Variants in SLC30A6 observed in about 807,000 individuals in gnomAD.
The protein encoded by SLC30A6 is solute carrier family 30 member 6, also known as zinc transporter 6.
A neutral mutation model predicts 63.0 loss-of-function variants in SLC30A6; 55 were observed. That is an observed-to-expected ratio of 0.87 (90% CI 0.70 to 1.09). The LOEUF (loss-of-function observed/expected upper bound fraction) is 1.09, where lower values mean the gene tolerates loss of function less well. Ranked by LOEUF, SLC30A6 falls within the 50% of genes least tolerant of loss-of-function variation. The pLI, the probability that SLC30A6 is intolerant of heterozygous loss-of-function variation, is 0.00. For missense variants in SLC30A6, 587 were observed against 549.2 expected (o/e 1.07, Z -0.69); for synonymous variants, 224 against 186.1 (o/e 1.20, Z -1.66).
chr2:32,193,047 G>A, intron 7 of SLC30A6, 94 bp downstream of exon 7: 1 of 792,060 alleles, frequency 1.3e-6, no homozygotes, highest in Non-Finnish European at 2.0e-6. Context: ...ATTTCAGACT[G>A]TGGCAACATA....
chr2:32,220,365 T>C lies in SLC30A6; in HGVS notation c.1038T>C (p.Val346=). ...WIRPALLSGP[V]AANVLNFSDH... is the part of the protein sequence containing the mutation. The stretch of plus-strand genomic sequence containing the variant: ...GGCCTGCCTTATTGTCTGGGCCTGT[T>C]GCAGCCAATGTCCTAAACTTTTCAG... Residue 346 remains valine (V), a synonymous_variant, in exon 14 of 14, where the codon GTT becomes GTC. Coordinates refer to ENST00000282587, the MANE Select transcript of SLC30A6 (RefSeq NM_017964.5). The C allele has an allele frequency of 6.2e-7, 1 of 1,614,212 alleles. No individual in the cohort carries two copies. Among genetic ancestry groups the C allele is most frequent in the Non-Finnish European group, 8.5e-7 (1 of 1,180,028 alleles).
chr2:32,192,872 CTTTATAA>C (rs1683456368), intron 6 of SLC30A6, 39 bp from the exon 7 acceptor site: 3 of 1,248,030 alleles, frequency 2.4e-6, no homozygotes, highest in East Asian at 5.5e-5. Flanking sequence ...AGCTTTTTAA[CTTTATAA>C]TTTATAGGAC....
chr2:32,190,194 C>T (rs940154705), intron 5 of SLC30A6, among the ~76,000 whole-genome samples: 1 of 152,088 alleles, frequency 6.6e-6, no homozygotes, highest in African/African-American at 2.4e-5. Context: ...CGCGGTGGCT[C>T]ACGCATGTAA....
chr2:32,199,896 C>T (rs1265941919), intron 10 of SLC30A6, among the ~76,000 whole-genome samples: 2 of 152,076 alleles, frequency 1.3e-5, no homozygotes. Context: ...GGCTGGGTCG[C>T]CTGAGGTCAG....
At chr2:32,200,394 G>A (rs983305071) in intron 10 of SLC30A6, among the ~76,000 whole-genome samples, 1 of 151,808 alleles carries the variant, frequency 6.6e-6, no homozygotes, top group African/African-American at 2.4e-5. Context: ...TGACAATGGC[G>A]GTTTTGTGGA....
At chr2:32,191,928 A>G (rs1364979035) in intron 5 of SLC30A6, among the ~76,000 whole-genome samples, 3 of 152,126 alleles carry the variant, frequency 2.0e-5, no homozygotes, top group Non-Finnish European at 2.9e-5. Context: ...AGATGAGGTA[A>G]TATGTTAAGC....
chr2:32,192,776 C>T (rs116366987), intron 6 of SLC30A6, 142 bp from the exon 7 acceptor site: 1,001 of 523,174 alleles, frequency 1.9e-3, no homozygotes, highest in Non-Finnish European at 2.9e-3. Context: ...TTATGAGTCT[C>T]CTTGCCTCAT....
chr2:32,200,814 A>G (rs1051380762), intron 10 of SLC30A6, among the ~76,000 whole-genome samples: 2 of 147,834 alleles, frequency 1.4e-5, no homozygotes, highest in African/African-American at 5.0e-5. Flanking sequence ...TGCGAGAAAC[A>G]CCCAAGAATG....
chr2:32,218,193 G>A (rs1045272457), intron 13 of SLC30A6, among the ~76,000 whole-genome samples: 11 of 152,134 alleles, frequency 7.2e-5, no homozygotes, highest in Admixed American at 5.9e-4. Flanking sequence ...GGCTGAGGCA[G>A]GAGGATCGCT....
At position 32,171,356 on chromosome 2, in the gene SLC30A6, G is replaced by A. The variant is rs1439799307; in HGVS notation, c.73G>A (p.Val25Ile). Residue 25 changes from valine (V) to isoleucine (I), a missense_variant, in exon 2 of 14, where the codon GTA becomes ATA. Transcript: ENST00000282587. ...CAAGTTGTTACGGGAATTTAGACTTGTAGCAGCTGACCGAAGGGTAAGTTA... is the reference window on the plus strand; with the variant it reads ...CAAGTTGTTACGGGAATTTAGACTTATAGCAGCTGACCGAAGGGTAAGTTA... ...FGKLLREFRL[V>I]AADRRSWKIL... The A allele has an allele frequency of 1.9e-6, 3 of 1,613,538 alleles. No individual in the cohort carries two copies. The highest frequency in any genetic ancestry group is 2.2e-5 in the East Asian group (1 of 44,816).
intron 5 of SLC30A6, among the ~76,000 whole-genome samples, chr2:32,189,616 T>C (rs915095452): frequency 1.5e-5 from 2 of 131,108 alleles, no homozygotes; most frequent in Non-Finnish European, 3.3e-5. Context: ...TTTTTTTTTT[T>C]TTTTTTTTTT....
chr2:32,203,208 G>T lies in SLC30A6; in HGVS notation c.666-1382G>T, dbSNP rs1000594157. Reference sequence around the variant, plus strand: ...TCATGGTTCTCCTCCTCAGGATGTTGAGTCTATATCCATCGTTCTGGACGC... The same window carrying T: ...TCATGGTTCTCCTCCTCAGGATGTTTAGTCTATATCCATCGTTCTGGACGC... On this transcript the variant is annotated intron_variant, in intron 10 of 13. Transcript: ENST00000282587. 31 of 1,113,718 alleles carry T rather than the reference G, an allele frequency of 2.8e-5. No individual in the cohort carries two copies. The Admixed American group carries it at 4.7e-4, about 17-fold the overall frequency. The allele number at this position is 1,113,718 out of a possible 1,614,324, so 69.0% of individuals were successfully genotyped here.
At chr2:32,203,306 G>C (rs974166533) in intron 10 of SLC30A6, 85 of 924,730 alleles carry the variant, frequency 9.2e-5, no homozygotes, top group Middle Eastern at 3.2e-4. Context: ...ACTAAGATAT[G>C]TGGAACAAAA....
At chr2:32,210,527 AAAAAAAAAAAACAACAG>A (rs2148896583) in intron 13 of SLC30A6, among the ~76,000 whole-genome samples, 1 of 151,486 alleles carries the variant, frequency 6.6e-6, no homozygotes, top group African/African-American at 2.4e-5. Context: ...AAAAAAAAAA[AAAAAAAAAAAACAACAG>A]AAAATGAGAT....
At chr2:32,182,591 A>T (rs1682427623) in intron 4 of SLC30A6, among the ~76,000 whole-genome samples, 3 of 152,260 alleles carry the variant, frequency 2.0e-5, no homozygotes, top group Admixed American at 2.0e-4. Context: ...TAAGAATCAA[A>T]CTTCTCTTTA....
rs1048650769 is a variant in SLC30A6, at chr2:32,191,248, G to A, written c.285-1088G>A. The stretch of plus-strand genomic sequence containing the variant: ...TTCTTTTTTATTTTTTCAGTAGCTG[G>A]AAAACAACACTTAATTTGTATTCTA... On this transcript the variant is annotated intron_variant, in intron 5 of 13. Transcript: ENST00000282587. Among the ~76,000 whole-genome samples, 3 of 152,138 alleles carry A rather than the reference G, an allele frequency of 2.0e-5. No homozygotes were observed. In the East Asian group the frequency reaches 5.8e-4, roughly 29 times the overall value.
At position 32,204,596 on chromosome 2, in the gene SLC30A6, T is replaced by A. The variant is rs1265381192; in HGVS notation, c.672T>A (p.Tyr224Ter). 6.2e-7 allele frequency: 1 copy of A among 1,608,568 alleles called. No individual in the cohort carries two copies. Among genetic ancestry groups the A allele is most frequent in the African/African-American group, 1.3e-5 (1 of 74,740 alleles). ...ITYMLIEINN[Y>*]FAVDTASAIA... ...AATTGTTTTTTCCTTTTAGTAATTATTTTGCCGTAGACACTGCCTCTGCTA... is the reference window on the plus strand; with the variant it reads ...AATTGTTTTTTCCTTTTAGTAATTAATTTGCCGTAGACACTGCCTCTGCTA... Residue 224 changes from tyrosine to a stop codon, truncating the protein, a stop_gained, in exon 11 of 14, where the codon TAT becomes TAA. Coordinates refer to ENST00000282587, the MANE Select transcript of SLC30A6 (RefSeq NM_017964.5). LOFTEE classifies it high-confidence loss of function.
At position 32,197,827 on chromosome 2, in the gene SLC30A6, G is replaced by C. The variant is rs1330632855; in HGVS notation, c.665+1G>C. 6.2e-7 allele frequency: 1 copy of C among 1,613,332 alleles called. No individual in the cohort carries two copies. Among genetic ancestry groups the C allele is most frequent in the South Asian group, 1.1e-5 (1 of 90,952 alleles). On this transcript the variant is annotated splice_donor_variant, in intron 10 of 13. Transcript: ENST00000282587. LOFTEE classifies it high-confidence loss of function. ...TTACATATATGCTCATTGAAATTAA[G>C]TGAGTATTTTTTATTGTTGTCAAGT...
chr2:32,172,580 A>G (rs1033461124), intron 2 of SLC30A6, among the ~76,000 whole-genome samples: 2 of 152,016 alleles, frequency 1.3e-5, no homozygotes, highest in Non-Finnish European at 2.9e-5. Context: ...TAATTCCTGG[A>G]AAATCCCTAA....
Sources: allele counts gnomAD v4.1 joint callset (sites outside exome capture counted in the v4.1 genomes callset), GRCh38; gene constraint gnomAD v4.1.1; transcripts MANE v1.5; gene names NCBI Gene and HGNC (gene_info 2026-07-23, HGNC 2026-07-21).